Variants in PHF24 observed in about 807,000 individuals in gnomAD.
PHF24 encodes the protein PHD finger protein 24, also known as Galpha inhibitory interacting protein.
PHF24 carries 25 observed loss-of-function variants against 42.6 expected under a neutral mutation model. The observed-to-expected ratio is 0.59, with a 90% CI of 0.43 to 0.82. PHF24 has a LOEUF of 0.82. PHF24 is among the 40% of genes least tolerant of loss of function. The pLI is 0.00. For synonymous variants in PHF24, 185 were observed against 204.8 expected, an observed-to-expected ratio of 0.90 and a Z score of 0.83; for missense variants, 470 against 538.1, an observed-to-expected ratio of 0.87 and a Z score of 1.25.
the PHF24 span, among the ~76,000 whole-genome samples, chr9:34,886,295 C>T: frequency 6.6e-6 from 1 of 151,964 alleles, no homozygotes; most frequent in African/African-American, 2.4e-5. Context: ...CCACTCTCCC[C>T]TCCTTCACCT....
chr9:34,934,328 G>A, the PHF24 span, among the ~76,000 whole-genome samples: 2 of 152,132 alleles, frequency 1.3e-5, no homozygotes, highest in African/African-American at 2.4e-5. Flanking sequence ...ACAGAGTGCC[G>A]TACAAATGCA....
the PHF24 span, among the ~76,000 whole-genome samples, chr9:34,768,288 C>T: frequency 3.9e-5 from 6 of 152,132 alleles, no homozygotes; most frequent in South Asian, 2.1e-4. Flanking sequence ...AATCTGGATC[C>T]GGCCAAAACC....
chr9:34,740,500 G>A, the PHF24 span, among the ~76,000 whole-genome samples: 2 of 152,228 alleles, frequency 1.3e-5, no homozygotes, highest in African/African-American at 4.8e-5. Flanking sequence ...CTCATTGCCC[G>A]GGGCCGGCAG....
the PHF24 span, among the ~76,000 whole-genome samples, chr9:34,733,881 A>C: frequency 6.6e-6 from 1 of 152,140 alleles, no homozygotes; most frequent in African/African-American, 2.4e-5. Flanking sequence ...TTCTTCAGGT[A>C]CTCATGGTTT....
chr9:34,955,452 A>C (rs1329730998), upstream of PHF24, among the ~76,000 whole-genome samples: 3 of 152,088 alleles, frequency 2.0e-5, no homozygotes, highest in Admixed American at 6.5e-5. Context: ...CGAGGCAGGG[A>C]GATCACCTGA....
the PHF24 span, among the ~76,000 whole-genome samples, chr9:34,819,987 A>T: frequency 2.3e-3 from 344 of 152,258 alleles, 1 homozygote; most frequent in African/African-American, 7.4e-3. Context: ...ATGTTTAAAC[A>T]TTAGGATTTT....
At chr9:34,754,644 G>T in the PHF24 span, among the ~76,000 whole-genome samples, 1 of 152,104 alleles carries the variant, frequency 6.6e-6, no homozygotes, top group Non-Finnish European at 1.5e-5. Context: ...GAATAGTTTG[G>T]AGGTTTCCCA....
the PHF24 span, among the ~76,000 whole-genome samples, chr9:34,946,852 T>C: frequency 6.6e-6 from 1 of 152,098 alleles, no homozygotes; most frequent in Non-Finnish European, 1.5e-5. Context: ...CATCAGAAAT[T>C]TGTAATTAAT....
At chr9:34,771,081 C>G in the PHF24 span, among the ~76,000 whole-genome samples, 1 of 152,134 alleles carries the variant, frequency 6.6e-6, no homozygotes, top group African/African-American at 2.4e-5. Context: ...CCAGTGCACT[C>G]CAGTGTGGGT....
chr9:34,741,084 C>T, the PHF24 span, among the ~76,000 whole-genome samples: 1 of 152,066 alleles, frequency 6.6e-6, no homozygotes, highest in African/African-American at 2.4e-5. Context: ...CGGGGTTTCA[C>T]CATGTTGGCC....
chr9:34,796,238 C>T, the PHF24 span, among the ~76,000 whole-genome samples: 1 of 133,414 alleles, frequency 7.5e-6, no homozygotes, highest in Non-Finnish European at 1.7e-5. Context: ...TAAAATGGGT[C>T]ATAAATCTAA....
the PHF24 span, among the ~76,000 whole-genome samples, chr9:34,910,525 A>G: frequency 6.6e-6 from 1 of 152,222 alleles, no homozygotes; most frequent in South Asian, 2.1e-4. Context: ...TAGCCATTTC[A>G]TAATGTATAT....
the PHF24 span, among the ~76,000 whole-genome samples, chr9:34,841,094 G>C: frequency 6.6e-6 from 1 of 152,016 alleles, no homozygotes; most frequent in Non-Finnish European, 1.5e-5. Context: ...CCGCCTCCCG[G>C]GTTCATGCCA....
At chr9:34,867,645 T>C in the PHF24 span, among the ~76,000 whole-genome samples, 1 of 152,224 alleles carries the variant, frequency 6.6e-6, no homozygotes, top group Admixed American at 6.5e-5. Context: ...ATGGTTTTTG[T>C]TAAAAGTCTC....
chr9:34,832,432 C>T, the PHF24 span: 2 of 1,382,946 alleles, frequency 1.4e-6, no homozygotes, highest in Non-Finnish European at 2.0e-6. Context: ...GACTGGGGAC[C>T]ATCCAAGAAA....
intron 3 of PHF24, among the ~76,000 whole-genome samples, chr9:34,974,477 C>T (rs868812260): frequency 6.6e-6 from 1 of 152,120 alleles, no homozygotes; most frequent in African/African-American, 2.4e-5. Flanking sequence ...AGTGGTGTAA[C>T]CACCGTTAAC....
chr9:34,821,889 C>G, the PHF24 span, among the ~76,000 whole-genome samples: 1 of 152,172 alleles, frequency 6.6e-6, no homozygotes, highest in Admixed American at 6.5e-5. Flanking sequence ...CTCTCATACT[C>G]AATAAGGCCA....
chr9:34,689,618 G>T, the PHF24 span: 2 of 596,692 alleles, frequency 3.4e-6, no homozygotes, highest in Non-Finnish European at 5.9e-6. The surrounding 1 kb of genome is among the most constrained non-coding windows in gnomAD (Gnocchi z 4.1). Flanking sequence ...CAATCTGGGG[G>T]TGGAGCAGCT....
At chr9:34,937,020 A>T in the PHF24 span, among the ~76,000 whole-genome samples, 1 of 133,568 alleles carries the variant, frequency 7.5e-6, no homozygotes, top group Non-Finnish European at 1.6e-5. Flanking sequence ...TCCGGGAGGG[A>T]GGTGGGGGGG....
Sources: gnomAD v4.1 joint callset for allele counts (sites outside exome capture counted in the v4.1 genomes callset) on GRCh38, gnomAD v4.1.1 for gene constraint, Gnocchi (gnomAD v3.1) non-coding constraint, MANE v1.5 for transcripts, NCBI Gene and HGNC (gene_info 2026-07-23, HGNC 2026-07-21) for gene names.